Variants in MYOCD observed in about 807,000 individuals in gnomAD.
MYOCD encodes the protein myocardin.
In MYOCD, 32 loss-of-function variants were observed where a neutral mutation model predicts 96.1. That is an observed-to-expected ratio of 0.33 (90% CI 0.25 to 0.45). The LOEUF (loss-of-function observed/expected upper bound fraction) is 0.45. Ranked by LOEUF, MYOCD falls within the 20% of genes least tolerant of loss-of-function variation. MYOCD has a pLI of 1.00. For synonymous variants in MYOCD, 469 were observed against 469.0 expected (o/e 1.00, Z 0.00); for missense variants, 1,133 against 1,200.6 (o/e 0.94, Z 0.83).
intron 1 of MYOCD, among the ~76,000 whole-genome samples, chr17:12,703,517 T>C (rs1341599477): frequency 6.6e-6 from 1 of 152,130 alleles, no homozygotes; most frequent in Non-Finnish European, 1.5e-5. Flanking sequence ...CTATTCCCTC[T>C]TATAATTACG....
At chr17:12,758,706 C>G (rs1008841511) in intron 12 of MYOCD, among the ~76,000 whole-genome samples, 1 of 152,140 alleles carries the variant, frequency 6.6e-6, no homozygotes, top group African/African-American at 2.4e-5. Context: ...TCACTGTATC[C>G]TCTACTTTCA....
chr17:12,756,635 G>A, intron 11 of MYOCD, 78 bp downstream of exon 11: 1 of 1,374,186 alleles, frequency 7.3e-7, no homozygotes, highest in East Asian at 3.0e-5. Context: ...GGCAGAAGTT[G>A]CAGTGAGCCG....
At position 12,722,939 on chromosome 17, in the gene MYOCD, C is replaced by T. The variant is rs780489097; in HGVS notation, c.346C>T (p.Pro116Ser). The T allele has an allele frequency of 6.2e-7, 1 of 1,613,922 alleles. No homozygotes were observed. Among genetic ancestry groups the T allele is most frequent in the East Asian group, 2.2e-5 (1 of 44,884 alleles). The change falls in exon 5 of 14, where the codon CCA becomes TCA. Residue 116 changes from proline (P) to serine (S), a missense_variant. Physicochemically the swap from Pro to Ser is moderately conservative, Grantham distance 74. Coordinates refer to ENST00000425538, the MANE Select transcript of MYOCD (RefSeq NM_001146312.3). ...DDLNEKIALRPGPLELVEKNI... is the reference protein window; with the variant it reads ...DDLNEKIALRSGPLELVEKNI... The stretch of plus-strand genomic sequence containing the variant: ...TCTCAATGAAAAAATTGCTCTACGA[C>T]CAGGGCCACTGGAGCTGGTGGAAAA...
At chr17:12,687,563 T>G (rs1597736232) in intron 1 of MYOCD, among the ~76,000 whole-genome samples, 1 of 152,356 alleles carries the variant, frequency 6.6e-6, no homozygotes, top group Non-Finnish European at 1.5e-5. Flanking sequence ...ATTTTCTTCT[T>G]TCCCCAAATG....
Position 12,760,873 on chromosome 17 carries a change from A to G in MYOCD, c.2389+166A>G, listed in dbSNP as rs2033149700. 1.2e-5 allele frequency: 7 copies of G among 605,058 alleles called. No homozygotes were observed. In the East Asian group the frequency reaches 2.0e-4, roughly 17 times the overall value. The allele number at this position is 605,058 out of a possible 1,614,324, so 37.5% of individuals were successfully genotyped here. On this transcript the variant is annotated intron_variant, in intron 13 of 13. Coordinates refer to ENST00000425538, the MANE Select transcript of MYOCD (RefSeq NM_001146312.3). Reference sequence around the variant, plus strand: ...CTTCTCGCACATTTTTAGAGCTGATAAAAGAAGGCTTAGTGGATGATTCCT... The same window carrying G: ...CTTCTCGCACATTTTTAGAGCTGATGAAAGAAGGCTTAGTGGATGATTCCT...
At chr17:12,721,692 G>A (rs1213310592) in intron 4 of MYOCD, among the ~76,000 whole-genome samples, 1 of 152,146 alleles carries the variant, frequency 6.6e-6, no homozygotes, top group African/African-American at 2.4e-5. Flanking sequence ...AGATGTGGAT[G>A]GTGGGAAGCA....
At chr17:12,738,782 C>T (rs1168797347) in intron 6 of MYOCD, among the ~76,000 whole-genome samples, 1 of 151,890 alleles carries the variant, frequency 6.6e-6, no homozygotes, top group African/African-American at 2.4e-5. Context: ...TTTTCAATTG[C>T]ATTATCAAGA....
chr17:12,711,371 T>C (rs1214990685), intron 2 of MYOCD, among the ~76,000 whole-genome samples: 2 of 152,152 alleles, frequency 1.3e-5, no homozygotes, highest in East Asian at 3.9e-4. Context: ...GGTTCCCAAA[T>C]ATTTAGTTAC....
chr17:12,754,300 C>A (rs1256639983), intron 10 of MYOCD, among the ~76,000 whole-genome samples: 1 of 152,164 alleles, frequency 6.6e-6, no homozygotes, highest in Non-Finnish European at 1.5e-5. Context: ...GACAGAGTTT[C>A]ACCATGTTGG....
At chr17:12,753,489 C>T (rs2032922731) in intron 10 of MYOCD, 143 bp downstream of exon 10, 1 of 771,996 alleles carries the variant, frequency 1.3e-6, no homozygotes, top group South Asian at 2.0e-5. Flanking sequence ...ACACTACAAT[C>T]CTTGAATCCT....
intron 1 of MYOCD, among the ~76,000 whole-genome samples, chr17:12,669,147 T>G (rs991084035): frequency 1.3e-5 from 2 of 152,242 alleles, no homozygotes; most frequent in African/African-American, 4.8e-5. Context: ...TCTTCTCATG[T>G]TGTTTATTCA....
chr17:12,679,198 C>CT (rs376267020), intron 1 of MYOCD, among the ~76,000 whole-genome samples: 9 of 151,386 alleles, frequency 5.9e-5, no homozygotes, highest in East Asian at 3.9e-4. Flanking sequence ...CTGCTTAAAG[C>CT]TTTTTTTTTA....
intron 11 of MYOCD, 104 bp from the exon 12 acceptor site, chr17:12,757,981 C>T (rs2874825): frequency 2.3e-6 from 2 of 852,398 alleles, no homozygotes; most frequent in Admixed American, 4.3e-5. Context: ...CTTTTTTCCT[C>T]TTAGATCAAT....
At position 12,753,089 on chromosome 17, in the gene MYOCD, T is replaced by C. The variant is rs148450760; in HGVS notation, c.1801T>C (p.Cys601Arg). The C allele has an allele frequency of 3.0e-5, 48 of 1,614,182 alleles. No individual in the cohort carries two copies. In the African/African-American group the frequency reaches 5.5e-4, roughly 18 times the overall value. The change falls in exon 10 of 14, where the codon TGT becomes CGT. Residue 601 changes from cysteine to arginine, a missense_variant. Cys to Arg is a radical substitution (Grantham distance 180). Transcript: ENST00000425538. Reference sequence around the variant, plus strand: ...CAGCTCAGAGTGTCACCCACCGGCTTGTGAAGCTGCTCAACTCCAGCCTCT... The same window carrying C: ...CAGCTCAGAGTGTCACCCACCGGCTCGTGAAGCTGCTCAACTCCAGCCTCT... ...SSSSECHPPA[C>R]EAAQLQPLGN... is the part of the protein sequence containing the mutation.
chr17:12,752,272 A>G, intron 9 of MYOCD, 142 bp from the exon 10 acceptor site: 1 of 690,690 alleles, frequency 1.4e-6, no homozygotes, highest in Non-Finnish European at 2.4e-6. Flanking sequence ...CAGGGGTAGG[A>G]GAGGAAATCG....
chr17:12,739,950 T>C (rs1045830864), intron 7 of MYOCD, among the ~76,000 whole-genome samples: 30 of 152,304 alleles, frequency 2.0e-4, no homozygotes, highest in Middle Eastern at 6.8e-3. Flanking sequence ...CTTTTTTCTT[T>C]TTTGAGACAG....
intron 2 of MYOCD, among the ~76,000 whole-genome samples, chr17:12,712,242 C>T (rs2031503414): frequency 6.6e-6 from 1 of 152,152 alleles, no homozygotes; most frequent in Non-Finnish European, 1.5e-5. Flanking sequence ...GCACTCGTTG[C>T]CGCCCCAAGT....
rs2052750392 is a variant in MYOCD, at chr17:12,756,284, G to A, written c.2059-130G>A. On this transcript the variant is annotated intron_variant, in intron 10 of 13. Transcript: ENST00000425538. ...AGCCAGATTTTAGGCAAGTTCATCT[G>A]GTAATGGAATTTAGGAAGGTTTGTA... is the stretch of plus-strand genomic sequence containing the variant. 5 of 1,077,898 alleles carry A rather than the reference G, an allele frequency of 4.6e-6. No homozygotes were observed. In the South Asian group the frequency reaches 7.0e-5, roughly 15 times the overall value. The allele number at this position is 1,077,898 out of a possible 1,614,324, so 66.8% of individuals were successfully genotyped here.
chr17:12,718,658 A>G (rs2031721249), intron 4 of MYOCD, among the ~76,000 whole-genome samples: 1 of 152,164 alleles, frequency 6.6e-6, no homozygotes, highest in Admixed American at 6.5e-5. Context: ...AAAGAGGCCA[A>G]TGCTGAACTC....
Sources: gnomAD v4.1 joint callset for allele counts (sites outside exome capture counted in the v4.1 genomes callset) on GRCh38, gnomAD v4.1.1 for gene constraint, MANE v1.5 for transcripts, NCBI Gene and HGNC (gene_info 2026-07-23, HGNC 2026-07-21) for gene names.